Variants in ARPC4 observed in about 807,000 individuals in gnomAD.
ARPC4 encodes actin related protein 2/3 complex subunit 4.
In ARPC4, 3 loss-of-function variants were observed where a neutral mutation model predicts 22.8. The observed-to-expected ratio is 0.13, with a 90% confidence interval of 0.06 to 0.34. ARPC4 has a LOEUF of 0.34. Among genes scored for constraint, ARPC4 ranks in the 10% least tolerant of loss-of-function variants. ARPC4 has a pLI of 1.00. For missense variants in ARPC4, 98 were observed against 211.0 expected (o/e 0.46, Z 3.32); for synonymous variants, 80 against 72.5 (o/e 1.10, Z -0.52).
intron 1 of ARPC4, among the ~76,000 whole-genome samples, chr3:9,796,670 G>A (rs1436413696): frequency 4.6e-5 from 7 of 152,152 alleles, no homozygotes; most frequent in Admixed American, 2.0e-4. Context: ...GGCAGGGTGT[G>A]GTGGCTCACG....
chr3:9,804,521 T>A (rs2125650966), intron 5 of ARPC4, among the ~76,000 whole-genome samples: 1 of 152,376 alleles, frequency 6.6e-6, no homozygotes, highest in East Asian at 1.9e-4. Flanking sequence ...TGTTTATGTC[T>A]TTCTAATTGA....
intron 1 of ARPC4, 185 bp downstream of exon 1, chr3:9,793,309 G>T: frequency 8.5e-7 from 1 of 1,176,240 alleles, no homozygotes; most frequent in Admixed American, 3.0e-5. Flanking sequence ...GCGAGTGGGG[G>T]TACTCCCTGG....
At chr3:9,802,378 C>CTTTT (rs55659302) in intron 4 of ARPC4, among the ~76,000 whole-genome samples, 2 of 146,546 alleles carry the variant, frequency 1.4e-5, no homozygotes, top group African/African-American at 2.5e-5. Context: ...GTCTCTCTCT[C>CTTTT]TTTTTTTTTT....
intron 1 of ARPC4, 44 bp downstream of exon 1, chr3:9,793,168 C>A: frequency 6.5e-7 from 1 of 1,533,298 alleles, no homozygotes; most frequent in Non-Finnish European, 8.8e-7. Context: ...GGCTGTTCGG[C>A]CTCAGGGCAG....
At chr3:9,792,640 G>A, upstream of ARPC4, 1 of 1,231,168 alleles carries the variant, frequency 8.1e-7, no homozygotes, top group Non-Finnish European at 1.0e-6. Context: ...CCCGGGGCGG[G>A]AGGCGGAGCT....
In ARPC4 at chr3:9,806,425, T is replaced by G; in HGVS notation, c.*210T>G. 1 of 626,574 alleles carries G rather than the reference T, an allele frequency of 1.6e-6. No homozygotes were observed. Among genetic ancestry groups the G allele is most frequent in the South Asian group, 1.9e-5 (1 of 53,846 alleles). 38.8% of individuals were successfully genotyped at this position (626,574 alleles called of 1,614,324 possible). ...GCCACACGTGCCTGGTCAGGCTGGC[T>G]TCTGATGTTCAGTCCCCTGGGCCGG... On this transcript the variant is annotated 3_prime_UTR_variant, in exon 6 of 6. Transcript: ENST00000397261.
chr3:9,804,618 G>A (rs1223581362), intron 5 of ARPC4, among the ~76,000 whole-genome samples: 2 of 152,166 alleles, frequency 1.3e-5, no homozygotes, highest in South Asian at 4.1e-4. Flanking sequence ...TTCAGAACAT[G>A]CCTTTTTTTT....
At chr3:9,802,969 C>T (rs535040313) in intron 4 of ARPC4, among the ~76,000 whole-genome samples, 1 of 151,854 alleles carries the variant, frequency 6.6e-6, no homozygotes, top group East Asian at 1.9e-4. Flanking sequence ...CTGCAAGCTC[C>T]GCCTCCTGGG....
At chr3:9,803,478 C>T (rs1016640820) in intron 4 of ARPC4, 4 of 464,380 alleles carry the variant, frequency 8.6e-6, no homozygotes, top group African/African-American at 6.0e-5. Context: ...ACCCTTAATC[C>T]CACCCATCTT....
At chr3:9,803,529 TGATTA>T (rs772463525) in intron 4 of ARPC4, 27 of 509,288 alleles carry the variant, frequency 5.3e-5, no homozygotes, top group Non-Finnish European at 9.6e-5. Context: ...CCCTGTTGTT[TGATTA>T]GATTATTCTG....
rs1215420134 is a variant in ARPC4, at chr3:9,803,542, C to T, written c.331-301C>T. Reference sequence around the variant, plus strand: ...TTCCCTGTTGTTTGATTAGATTATTCTGTAACAAGACTTCAAGTTCCTTGA... The same window carrying T: ...TTCCCTGTTGTTTGATTAGATTATTTTGTAACAAGACTTCAAGTTCCTTGA... On this transcript the variant is annotated intron_variant, in intron 4 of 5. Transcript: ENST00000397261. 7.5e-6 allele frequency: 4 copies of T among 535,576 alleles called. No individual in the cohort carries two copies. In the African/African-American group the frequency reaches 7.5e-5, roughly 10 times the overall value. 33.2% of individuals were successfully genotyped at this position (535,576 alleles called of 1,614,324 possible).
At position 9,793,869 on chromosome 3, in the gene ARPC4, C is replaced by G. The variant is rs1054687744; in HGVS notation, c.3+745C>G. 3.9e-5 allele frequency among the ~76,000 whole-genome samples: 6 copies of G among 152,266 alleles called. No homozygotes were observed. The East Asian group carries it at 1.2e-3, about 29-fold the overall frequency. ...TGATACCGATCTAGTCTCCTGGCTT[C>G]GATAACTTTCTTCATTCTGATGACT... is the stretch of plus-strand genomic sequence containing the variant. On this transcript the variant is annotated intron_variant, in intron 1 of 5. Transcript: ENST00000397261.
chr3:9,795,886 A>C (rs1188241284), intron 1 of ARPC4, among the ~76,000 whole-genome samples: 1 of 152,236 alleles, frequency 6.6e-6, no homozygotes, highest in Non-Finnish European at 1.5e-5. Flanking sequence ...ACTTGAGGTC[A>C]GGAGTTTGAG....
At chr3:9,800,046 C>G (rs2078975398) in intron 2 of ARPC4, 139 bp from the exon 3 acceptor site, 3 of 810,388 alleles carry the variant, frequency 3.7e-6, no homozygotes, top group Middle Eastern at 4.5e-4. Context: ...TCACTGGCCC[C>G]CATCTTGGAG....
At chr3:9,796,225 C>G (rs1290020392) in intron 1 of ARPC4, among the ~76,000 whole-genome samples, 1 of 152,192 alleles carries the variant, frequency 6.6e-6, no homozygotes, top group Non-Finnish European at 1.5e-5. Context: ...GAAACTCCGT[C>G]TCTACTAAAA....
Position 9,805,223 on chromosome 3 carries a change from C to T in ARPC4, c.502-987C>T, listed in dbSNP as rs186273395. 1.4e-4 allele frequency among the ~76,000 whole-genome samples: 22 copies of T among 152,256 alleles called. No homozygotes were observed. In the East Asian group the frequency reaches 3.5e-3, roughly 24 times the overall value. On this transcript the variant is annotated intron_variant, in intron 5 of 5. Transcript: ENST00000397261. ...AATTATATCGCACAGAATTGGACCC[C>T]TAAAAAAGTATGTTCACATGTCCCA...
At chr3:9,802,206 G>A (rs1165632938) in intron 4 of ARPC4, among the ~76,000 whole-genome samples, 4 of 118,516 alleles carry the variant, frequency 3.4e-5, no homozygotes, top group Non-Finnish European at 6.5e-5. Context: ...CCACTGTACT[G>A]CAGCCTGGGC....
At chr3:9,792,743 G>A, upstream of ARPC4, 3 of 1,243,154 alleles carry the variant, frequency 2.4e-6, no homozygotes, top group Non-Finnish European at 1.0e-6. Context: ...GTACAGAACC[G>A]GAAGAAACGA....
rs907933372 is a variant in ARPC4, at chr3:9,793,135, CGGGCCCCCGGCCAG to C, written c.3+14_3+27del. The C allele has an allele frequency of 1.6e-5, 25 of 1,542,092 alleles. No homozygotes were observed. Among genetic ancestry groups the C allele is most frequent in the Non-Finnish European group, 2.1e-5 (24 of 1,142,516 alleles). The stretch of plus-strand genomic sequence containing the variant: ...CCAGCGCCCGCGATGGTGAGAGAGC[CGGGCCCCCGGCCAG>C]GGACCCCCGGCTGTTCGGCCTCAGG... On this transcript the variant is annotated intron_variant, in intron 1 of 5. Coordinates refer to ENST00000397261, the MANE Select transcript of ARPC4 (RefSeq NM_005718.5).
Sources: gnomAD v4.1 joint callset for allele counts (sites outside exome capture counted in the v4.1 genomes callset) on GRCh38, gnomAD v4.1.1 for gene constraint, MANE v1.5 for transcripts, NCBI Gene and HGNC (gene_info 2026-07-23, HGNC 2026-07-21) for gene names.